The following INSR variants were observed in gnomAD, a reference collection of about 807,000 sequenced individuals.
The protein encoded by INSR is insulin receptor, also known as IR.
A neutral mutation model predicts 142.6 loss-of-function variants in INSR; 67 were observed. That is an observed-to-expected ratio of 0.47 (90% CI 0.39 to 0.58). INSR has a LOEUF of 0.58. Ranked by LOEUF, INSR falls within the 20% of genes least tolerant of loss-of-function variation. INSR has a pLI of 0.00. For missense variants in INSR, 1,248 were observed against 1,833.2 expected, an observed-to-expected ratio of 0.68 and a Z score of 5.83; for synonymous variants, 756 against 743.1, an observed-to-expected ratio of 1.02 and a Z score of -0.28.
chr19:7,259,818 CAAAAAAA>C (rs10532581), intron 2 of INSR, among the ~76,000 whole-genome samples: 1 of 134,730 alleles, frequency 7.4e-6, no homozygotes, highest in East Asian at 2.3e-4. Context: ...GACTCTGTCT[CAAAAAAA>C]AAAAAAAGAA....
At chr19:7,127,596 T>C (rs1345377249) in intron 15 of INSR, among the ~76,000 whole-genome samples, 1 of 152,208 alleles carries the variant, frequency 6.6e-6, no homozygotes, top group Non-Finnish European at 1.5e-5. Context: ...TTTCTAACAC[T>C]GCACTCAGTA....
chr19:7,127,013 T>G (rs1003910583), intron 15 of INSR, among the ~76,000 whole-genome samples: 2 of 152,124 alleles, frequency 1.3e-5, no homozygotes, highest in African/African-American at 4.8e-5. Context: ...ATCCTCCCAC[T>G]TCAGCTTTCT....
intron 2 of INSR, among the ~76,000 whole-genome samples, chr19:7,266,393 T>C (rs1967727784): frequency 6.6e-6 from 1 of 151,416 alleles, no homozygotes; most frequent in Non-Finnish European, 1.5e-5. Context: ...CTTTTTTTTT[T>C]TTTTTTTTTG....
intron 2 of INSR, among the ~76,000 whole-genome samples, chr19:7,234,318 C>T (rs1412687773): frequency 6.6e-6 from 1 of 151,632 alleles, no homozygotes; most frequent in Non-Finnish European, 1.5e-5. Flanking sequence ...GCAATCTTCC[C>T]GTCTCAGCCT....
At chr19:7,254,251 G>A (rs538859451) in intron 2 of INSR, among the ~76,000 whole-genome samples, 11 of 152,118 alleles carry the variant, frequency 7.2e-5, no homozygotes, top group South Asian at 2.1e-4. Flanking sequence ...ATGGTGGTGC[G>A]CACCTGTAGT....
chr19:7,195,945 T>G (rs77612176), intron 2 of INSR, among the ~76,000 whole-genome samples: 2 of 148,060 alleles, frequency 1.4e-5, no homozygotes, highest in East Asian at 3.9e-4. Flanking sequence ...TTTTTTTTTT[T>G]TTTGTTTGAG....
intron 2 of INSR, among the ~76,000 whole-genome samples, chr19:7,190,841 T>C (rs540884694): frequency 7.0e-4 from 107 of 152,206 alleles, no homozygotes; most frequent in Non-Finnish European, 1.3e-3. Flanking sequence ...ATTTCAAAAT[T>C]GCCAAAAATG....
intron 9 of INSR, among the ~76,000 whole-genome samples, chr19:7,160,096 C>T (rs1192507589): frequency 6.6e-6 from 1 of 151,866 alleles, no homozygotes; most frequent in East Asian, 1.9e-4. Context: ...GTCAGGAGTT[C>T]GAGACCACCC....
In INSR at chr19:7,231,145, G is replaced by A. The variant is rs192862232; in HGVS notation, c.652+36200C>T. On this transcript the variant is annotated intron_variant, in intron 2 of 21. Coordinates refer to ENST00000302850, the MANE Select transcript of INSR (RefSeq NM_000208.4). ...TTACTCGGCACAGCCTGTGCGCCACGGAGGAAACTGGAAAGGAGGGATCTC... is the reference window on the plus strand; with the variant it reads ...TTACTCGGCACAGCCTGTGCGCCACAGAGGAAACTGGAAAGGAGGGATCTC... Among the ~76,000 whole-genome samples the A allele has an allele frequency of 9.8e-5, 15 of 152,312 alleles. No individual in the cohort carries two copies. The East Asian group carries it at 2.3e-3, about 24-fold the overall frequency.
chr19:7,137,299 C>T (rs1972954824), intron 13 of INSR, among the ~76,000 whole-genome samples: 2 of 151,718 alleles, frequency 1.3e-5, no homozygotes, highest in Admixed American at 1.3e-4. Flanking sequence ...CATGCCCAAG[C>T]CAATCAGCAT....
chr19:7,272,553 C>T (rs896778719), intron 1 of INSR, among the ~76,000 whole-genome samples: 1 of 151,584 alleles, frequency 6.6e-6, no homozygotes, highest in African/African-American at 2.4e-5. Context: ...AGGAGGCGGA[C>T]GTTGCAGTGA....
chr19:7,203,684 A>G (rs1330260716), intron 2 of INSR, among the ~76,000 whole-genome samples: 2 of 152,172 alleles, frequency 1.3e-5, no homozygotes, highest in African/African-American at 4.8e-5. Flanking sequence ...CAAGGAATGG[A>G]GAAAATTTCC....
Position 7,166,520 on chromosome 19 carries a change from A to C in INSR, c.1611-116T>G. The C allele has an allele frequency of 8.9e-7, 1 of 1,122,054 alleles. No homozygotes were observed. The highest frequency in any genetic ancestry group is 1.3e-6 in the Non-Finnish European group (1 of 767,274). 69.5% of individuals were successfully genotyped at this position (1,122,054 alleles called of 1,614,324 possible). On this transcript the variant is annotated intron_variant, in intron 7 of 21. Transcript: ENST00000302850. The surrounding 1 kb of genome is among the most constrained non-coding windows in gnomAD (Gnocchi z 4.1). ...AGGGTCACATGTTACTCACCCAACA[A>C]TCTAATGCCACAAGAAAAAATAACT...
At position 7,122,756 on chromosome 19, in the gene INSR, A is replaced by T; in HGVS notation, c.3387T>A (p.Pro1129=). The T allele has an allele frequency of 6.2e-7, 1 of 1,613,860 alleles. No individual in the cohort carries two copies. The highest frequency in any genetic ancestry group is 8.5e-7 in the Non-Finnish European group (1 of 1,179,842). Residue 1129 remains proline (P), a synonymous_variant, in exon 19 of 22, where the codon CCT becomes CCA. Transcript: ENST00000302850. ...RPEAENNPGR[P]PPTLQEMIQM... ...GAATCATCTCTTGAAGGGTAGGGGG[A>T]GGGCGGCCAGGATTATTCTAAAACA...
rs552253920 is a variant in INSR at position 7,159,949 on chromosome 19, C to T, written c.2029+3083G>A. Reference sequence around the variant, plus strand: ...CCAGGGTCATGGACCGAGGATATCACTAACAGAAAATATCTCAAGAAAAAT... The same window carrying T: ...CCAGGGTCATGGACCGAGGATATCATTAACAGAAAATATCTCAAGAAAAAT... On this transcript the variant is annotated intron_variant, in intron 9 of 21. Transcript: ENST00000302850. This position sits in a 1 kb window ranked among gnomAD's most constrained non-coding sequence, Gnocchi z 4.3. 1.3e-5 allele frequency among the ~76,000 whole-genome samples: 2 copies of T among 152,236 alleles called. No homozygotes were observed. The highest frequency in any genetic ancestry group is 1.5e-5 in the Non-Finnish European group (1 of 68,026).
At position 7,172,141 on chromosome 19, in the gene INSR, G is replaced by A. The variant is rs936963144; in HGVS notation, c.1268+149C>T. 68 of 780,138 alleles carry A rather than the reference G, an allele frequency of 8.7e-5. 1 individual carries two copies. The highest frequency in any genetic ancestry group is 3.2e-4 in the South Asian group (22 of 69,090). The allele number at this position is 780,138 out of a possible 1,614,324, so 48.3% of individuals were successfully genotyped here. On this transcript the variant is annotated intron_variant, in intron 5 of 21. Coordinates refer to ENST00000302850, the MANE Select transcript of INSR (RefSeq NM_000208.4). ...TGGCCAGGCTGGTCTTGAACTCCCCGCCTCAAGTGATTCACCCACGTTGGC... is the reference window on the plus strand; with the variant it reads ...TGGCCAGGCTGGTCTTGAACTCCCCACCTCAAGTGATTCACCCACGTTGGC...
chr19:7,203,635 C>T (rs56394917), intron 2 of INSR, among the ~76,000 whole-genome samples: 12,168 of 152,194 alleles, frequency 0.08, 664 homozygotes, highest in Middle Eastern at 0.12. Context: ...TTCCCGGGAG[C>T]TTCTACATGC....
chr19:7,121,905 G>C (rs1421425012), intron 19 of INSR, among the ~76,000 whole-genome samples: 1 of 152,188 alleles, frequency 6.6e-6, no homozygotes, highest in Non-Finnish European at 1.5e-5. Flanking sequence ...TGCTTTGGGA[G>C]GCCAACACAG....
chr19:7,173,471 A>T (rs1165155669), intron 4 of INSR, among the ~76,000 whole-genome samples: 1 of 151,714 alleles, frequency 6.6e-6, no homozygotes, highest in East Asian at 1.9e-4. Flanking sequence ...GGCATGTGCC[A>T]CCGTGCCCAG....
Sources: allele counts gnomAD v4.1 joint callset (sites outside exome capture counted in the v4.1 genomes callset), GRCh38; gene constraint gnomAD v4.1.1; non-coding constraint Gnocchi (gnomAD v3.1); transcripts MANE v1.5; gene names NCBI Gene and HGNC (gene_info 2026-07-23, HGNC 2026-07-21).